Variants in COMMD6 observed in about 807,000 individuals in gnomAD.
COMMD6 encodes COMM domain containing 6, also known as COMM domain-containing protein 6.
A neutral mutation model predicts 13.4 loss-of-function variants in COMMD6; 11 were observed. The ratio of observed to expected loss-of-function variants is 0.82; its 90% CI spans 0.52 to 1.36. The LOEUF (loss-of-function observed/expected upper bound fraction) is 1.36. Among genes scored for constraint, COMMD6 ranks in the 40% most tolerant of loss-of-function variants. The probability of loss-of-function intolerance (pLI) is 0.00; values close to 1 mark genes in which losing one functional copy is unlikely to be tolerated. For missense variants in COMMD6, 124 were observed against 102.4 expected (o/e 1.21, Z -0.91); for synonymous variants, 43 against 36.5 (o/e 1.18, Z -0.64).
chr13:75,545,717 C>T (rs898194041), intron 1 of COMMD6, among the ~76,000 whole-genome samples: 5 of 150,868 alleles, frequency 3.3e-5, no homozygotes, highest in Admixed American at 6.6e-5. Context: ...ATGATCTGCC[C>T]GCCTCGGCCT....
At chr13:75,543,848 T>A (rs2030860848) in intron 1 of COMMD6, among the ~76,000 whole-genome samples, 1 of 152,366 alleles carries the variant, frequency 6.6e-6, no homozygotes, top group African/African-American at 2.4e-5. Flanking sequence ...CTATAGGTTA[T>A]GTAGATCATA....
intron 2 of COMMD6, among the ~76,000 whole-genome samples, chr13:75,533,091 G>A (rs908228004): frequency 3.4e-5 from 5 of 148,290 alleles, no homozygotes; most frequent in Non-Finnish European, 5.9e-5. Flanking sequence ...CCACCATGAC[G>A]GGCTAATTTT....
chr13:75,542,170 G>A (rs1216192424), upstream of COMMD6, among the ~76,000 whole-genome samples: 1 of 152,166 alleles, frequency 6.6e-6, no homozygotes, highest in Non-Finnish European at 1.5e-5. Flanking sequence ...TGGCCTTTGT[G>A]CAAGGTTGTG....
chr13:75,537,977 G>A (rs1593960486), upstream of COMMD6: 4 of 539,700 alleles, frequency 7.4e-6, no homozygotes, highest in East Asian at 1.3e-4. Context: ...ATATATCTTA[G>A]GAGACATTGA....
intron 3 of COMMD6, among the ~76,000 whole-genome samples, chr13:75,529,247 C>T (rs553103616): frequency 2.0e-4 from 30 of 152,088 alleles, no homozygotes; most frequent in African/African-American, 6.7e-4. Context: ...CTGGCCGGGC[C>T]CGGTGGCTCA....
At chr13:75,546,222 T>C (rs2030902951) in intron 1 of COMMD6, among the ~76,000 whole-genome samples, 1 of 152,202 alleles carries the variant, frequency 6.6e-6, no homozygotes, top group Non-Finnish European at 1.5e-5. Flanking sequence ...AGTTACTGGG[T>C]ATGGAAATAA....
upstream of COMMD6, among the ~76,000 whole-genome samples, chr13:75,542,791 G>A (rs2030847044): frequency 6.6e-6 from 1 of 152,182 alleles, no homozygotes; most frequent in Admixed American, 6.5e-5. Flanking sequence ...AGACAGAGAG[G>A]GAGTGTTAGA....
chr13:75,531,329 A>C (rs750443499), intron 2 of COMMD6, among the ~76,000 whole-genome samples: 3 of 152,168 alleles, frequency 2.0e-5, no homozygotes, highest in Non-Finnish European at 4.4e-5. Context: ...TGCCTCAATC[A>C]ACCATAAAAG....
At chr13:75,542,656 G>A (rs1031941287), upstream of COMMD6, among the ~76,000 whole-genome samples, 8 of 152,130 alleles carry the variant, frequency 5.3e-5, no homozygotes, top group Non-Finnish European at 5.9e-5. Context: ...ACATAAAAAG[G>A]GGGAATTAAG....
At chr13:75,547,598 C>A (rs2030925067) in intron 1 of COMMD6, among the ~76,000 whole-genome samples, 1 of 152,144 alleles carries the variant, frequency 6.6e-6, no homozygotes, top group South Asian at 2.1e-4. Context: ...TTTTATGCAC[C>A]TCTGAGACAT....
intron 3 of COMMD6, chr13:75,527,976 CT>C: frequency 9.2e-7 from 1 of 1,082,148 alleles, no homozygotes; most frequent in Non-Finnish European, 1.2e-6. Flanking sequence ...TTGAAATTTG[CT>C]AAAAAACATT....
upstream of COMMD6, among the ~76,000 whole-genome samples, chr13:75,542,438 C>T (rs189267672): frequency 1.9e-3 from 294 of 152,100 alleles, 1 homozygote; most frequent in African/African-American, 6.7e-3. Flanking sequence ...TACAGGCATG[C>T]GCCACCATGC....
intron 1 of COMMD6, among the ~76,000 whole-genome samples, chr13:75,544,760 GAAATAAAATAAAATA>G (rs543689245): frequency 1.3e-5 from 2 of 151,430 alleles, no homozygotes; most frequent in East Asian, 1.9e-4. Context: ...CTTTGTCTCA[GAAATAAAATAAAATA>G]AAATAAAATA....
intron 2 of COMMD6, among the ~76,000 whole-genome samples, chr13:75,531,390 A>G (rs895293170): frequency 5.3e-5 from 8 of 152,190 alleles, no homozygotes; most frequent in African/African-American, 7.2e-5. Context: ...GAATAGGGGA[A>G]GGCATTTGTA....
chr13:75,535,589 T>C (rs2030637560), intron 2 of COMMD6, among the ~76,000 whole-genome samples: 2 of 152,182 alleles, frequency 1.3e-5, no homozygotes, highest in African/African-American at 4.8e-5. Flanking sequence ...CAGTAATTTG[T>C]CGATTTCAGT....
intron 2 of COMMD6, chr13:75,537,343 CAA>C (rs1399600311): frequency 6.4e-7 from 1 of 1,550,562 alleles, no homozygotes; most frequent in Non-Finnish European, 8.7e-7. Context: ...GCTATCTCTG[CAA>C]ATTTTCCTAA....
upstream of COMMD6, among the ~76,000 whole-genome samples, chr13:75,540,031 C>A (rs912767376): frequency 6.9e-6 from 1 of 144,700 alleles, no homozygotes; most frequent in Non-Finnish European, 1.5e-5. Context: ...AGTGCAGTGG[C>A]GTGATCTCAC....
chr13:75,527,936 G>A (rs1448215863), intron 3 of COMMD6: 11 of 1,325,470 alleles, frequency 8.3e-6, no homozygotes, highest in Non-Finnish European at 1.1e-5. Flanking sequence ...TGTACAATAT[G>A]GTGACTACAG....
intron 2 of COMMD6, among the ~76,000 whole-genome samples, chr13:75,534,921 T>C (rs531742388): frequency 1.3e-5 from 2 of 152,230 alleles, no homozygotes; most frequent in African/African-American, 2.4e-5. Context: ...CAATACTATA[T>C]TCTAGGAATT....
Sources: gnomAD v4.1 joint callset for allele counts (sites outside exome capture counted in the v4.1 genomes callset) on GRCh38, gnomAD v4.1.1 for gene constraint, MANE v1.5 for transcripts, NCBI Gene and HGNC (gene_info 2026-07-23, HGNC 2026-07-21) for gene names.